The following CMA1 variants were observed in gnomAD, a reference collection of about 807,000 sequenced individuals.
CMA1 encodes the protein chymase 1.
Under a neutral mutation model 18.8 loss-of-function variants are expected in CMA1, and 24 were observed. That is an observed-to-expected ratio of 1.28 (90% CI 0.92 to 1.80). The LOEUF is 1.80. Ranked by LOEUF, CMA1 falls within the 40% of genes most tolerant of loss-of-function variation. The probability of loss-of-function intolerance (pLI) is 0.00; values close to 1 mark genes in which losing one functional copy is unlikely to be tolerated. For missense variants in CMA1, 421 were observed against 302.8 expected (o/e 1.39, Z -2.90); for synonymous variants, 152 against 117.0 (o/e 1.30, Z -1.93).
chr14:24,507,211 TA>T, intron 2 of CMA1, 144 bp downstream of exon 2: 1 of 935,750 alleles, frequency 1.1e-6, no homozygotes. Flanking sequence ...AAACACAGAC[TA>T]AAGTCTTTCA....
intron 1 of CMA1, among the ~76,000 whole-genome samples, chr14:24,507,753 C>T (rs1032887056): frequency 6.6e-6 from 1 of 152,182 alleles, no homozygotes; most frequent in Non-Finnish European, 1.5e-5. Context: ...TCCCACCTTG[C>T]CCTGGCCCAC....
Position 24,508,213 on chromosome 14 carries a change from AG to A in CMA1, c.22del (p.Leu8CysfsTer35), listed in dbSNP as rs2043875766. 2 of 1,613,772 alleles carry A rather than the reference AG, an allele frequency of 1.2e-6. No homozygotes were observed. The highest frequency in any genetic ancestry group is 1.3e-5 in the African/African-American group (1 of 74,942). On this transcript the variant is annotated frameshift_variant, in exon 1 of 5. Transcript: ENST00000250378. LOFTEE classifies it high-confidence loss of function. MLLLPLP[L>X]LLFLLCSRAE... is the part of the protein sequence containing the mutation. ...TCTGGAGCACAAGAGAAAGAGCAGC[AG>A]GGGGAGAGGAAGAAGCAGCATCTTC...
At chr14:24,505,921 A>G in intron 4 of CMA1, 107 bp downstream of exon 4, 3 of 1,445,570 alleles carry the variant, frequency 2.1e-6, no homozygotes, top group Non-Finnish European at 2.8e-6. Flanking sequence ...AATTCCTGTG[A>G]TGCTCACCCT....
At chr14:24,507,277 C>T (rs912753471) in intron 2 of CMA1, 79 bp downstream of exon 2, 1 of 1,542,430 alleles carries the variant, frequency 6.5e-7, no homozygotes, top group Non-Finnish European at 9.0e-7. Flanking sequence ...CCTCTTCAGT[C>T]CCCAGTGCAG....
chr14:24,505,766 G>C, intron 4 of CMA1, 107 bp from the exon 5 acceptor site: 1 of 1,373,450 alleles, frequency 7.3e-7, no homozygotes, highest in Non-Finnish European at 9.9e-7. Flanking sequence ...CGCAGGAGGT[G>C]GAGCTCCTCA....
chr14:24,508,061 G>T, intron 1 of CMA1, 117 bp downstream of exon 1: 1 of 983,456 alleles, frequency 1.0e-6, no homozygotes, highest in Non-Finnish European at 1.5e-6. Context: ...ATTTCCCTCT[G>T]GGACTCTTGA....
Position 24,506,103 on chromosome 14 carries a change from G to A in CMA1, c.525C>T (p.Cys175=), listed in dbSNP as rs775479602. The A allele has an allele frequency of 3.7e-6, 6 of 1,614,088 alleles. No homozygotes were observed. The African/African-American group carries it at 8.0e-5, about 22-fold the overall frequency. The stretch of plus-strand genomic sequence containing the variant: ...TGTGGTCAAAGTCTCTGAAGTGGCT[G>A]CAGGCCTGGGGATCCATGAGTCTCA... ...VKLRLMDPQA[C]SHFRDFDHNL... is the part of the protein sequence containing the mutation. Residue 175 remains cysteine (C), a synonymous_variant, in exon 4 of 5, where the codon TGC becomes TGT. Coordinates refer to ENST00000250378, the MANE Select transcript of CMA1 (RefSeq NM_001836.5).
At position 24,506,080 on chromosome 14, in the gene CMA1, T is replaced by C; in HGVS notation, c.548A>G (p.His183Arg). The C allele has an allele frequency of 6.2e-7, 1 of 1,614,212 alleles. No homozygotes were observed. The highest frequency in any genetic ancestry group is 1.3e-5 in the African/African-American group (1 of 75,058). Residue 183 changes from histidine to arginine, a missense_variant, in exon 4 of 5, where the codon CAC becomes CGC. Physicochemically the swap from His to Arg is conservative, Grantham distance 29 (BLOSUM62 0). Transcript: ENST00000250378. ...ATTGCCCACACACAGCTGAAGATTG[T>C]GGTCAAAGTCTCTGAAGTGGCTGCA... is the stretch of plus-strand genomic sequence containing the variant. ...QACSHFRDFD[H>R]NLQLCVGNPR...
At position 24,506,061 on chromosome 14, in the gene CMA1, C is replaced by T; in HGVS notation, c.567G>A (p.Val189=). 2 of 1,614,194 alleles carry T rather than the reference C, an allele frequency of 1.2e-6. No individual in the cohort carries two copies. Among genetic ancestry groups the T allele is most frequent in the Non-Finnish European group, 1.7e-6 (2 of 1,180,030 alleles). The change falls in exon 4 of 5, where the codon GTG becomes GTA. Residue 189 remains valine, a synonymous_variant. Transcript: ENST00000250378. ...CAGATTTTGTCTTCCTGGGATTGCC[C>T]ACACACAGCTGAAGATTGTGGTCAA... ...RDFDHNLQLC[V]GNPRKTKSAF...
chr14:24,506,252 C>A lies in CMA1; in HGVS notation c.376G>T (p.Val126Leu), dbSNP rs770937525. 6.2e-7 allele frequency: 1 copy of A among 1,613,990 alleles called. No homozygotes were observed. The highest frequency in any genetic ancestry group is 8.5e-7 in the Non-Finnish European group (1 of 1,180,020). ...LKEKASLTLA[V>L]GTLPFPSQFN... Reference sequence around the variant, plus strand: ...TGGGATGGGAAGGGGAGTGTCCCCACAGCCAGGGTCAGGCTGGCTTTCTCC... The same window carrying A: ...TGGGATGGGAAGGGGAGTGTCCCCAAAGCCAGGGTCAGGCTGGCTTTCTCC... The change falls in exon 4 of 5, where the codon GTG (valine) becomes TTG (leucine). Residue 126 changes from valine to leucine, a missense_variant. Transcript: ENST00000250378.
rs145340056 is a variant in CMA1 at position 24,507,466 on chromosome 14, G to T, written c.99C>A (p.Arg33=). The T allele has an allele frequency of 4.0e-5, 65 of 1,614,074 alleles. No individual in the cohort carries two copies. Among genetic ancestry groups the T allele is most frequent in the Non-Finnish European group, 5.3e-5 (63 of 1,180,042 alleles). Residue 33 remains arginine (R), a synonymous_variant, in exon 2 of 5, where the codon CGC becomes CGA. Coordinates refer to ENST00000250378, the MANE Select transcript of CMA1 (RefSeq NM_001836.5). Reference sequence around the variant, plus strand: ...CAATTTCCAGGTAGGCCATGTAGGGGCGGGAATGTGGCTTGCATTCTGTGC... The same window carrying T: ...CAATTTCCAGGTAGGCCATGTAGGGTCGGGAATGTGGCTTGCATTCTGTGC... ...IGGTECKPHS[R]PYMAYLEIVT...
rs986401423 is a variant in CMA1 at position 24,505,373 on chromosome 14, T to C, written c.*143A>G. On this transcript the variant is annotated 3_prime_UTR_variant, in exon 5 of 5. Transcript: ENST00000250378. The stretch of plus-strand genomic sequence containing the variant: ...GAAGCTGTGTCTTCACTGAGGTTTA[T>C]TGAGAGTTCTGTGACCTGTAGGATA... 4.9e-6 allele frequency: 5 copies of C among 1,022,672 alleles called. No homozygotes were observed. The highest frequency in any genetic ancestry group is 1.6e-5 in the African/African-American group (1 of 63,390). 63.3% of individuals were successfully genotyped at this position (1,022,672 alleles called of 1,614,324 possible).
chr14:24,505,599 G>A lies in CMA1; in HGVS notation c.661C>T (p.Arg221Trp), dbSNP rs755977857. The change falls in exon 5 of 5, where the codon CGG (arginine) becomes TGG (tryptophan). Residue 221 changes from arginine to tryptophan, a missense_variant. By Grantham distance (101) the Arg-to-Trp change is moderately radical. Coordinates refer to ENST00000250378, the MANE Select transcript of CMA1 (RefSeq NM_001836.5). ...ACAGCAGGGGGCTTTGCATCCGACC[G>A]TCCATAGGATACGATGCCCTGGGCC... Reference protein sequence around the residue: ...GVAQGIVSYGRSDAKPPAVFT... With the variant: ...GVAQGIVSYGWSDAKPPAVFT... 2.8e-5 allele frequency: 45 copies of A among 1,613,964 alleles called. No individual in the cohort carries two copies. In the Admixed American group the frequency reaches 5.5e-4, roughly 20 times the overall value.
intron 1 of CMA1, 80 bp downstream of exon 1, chr14:24,508,098 A>T: frequency 7.5e-7 from 1 of 1,331,098 alleles, no homozygotes; most frequent in Non-Finnish European, 1.1e-6. Context: ...CCTGTTTAGG[A>T]GTCAGCTATT....
At chr14:24,507,763 C>G (rs1383196887) in intron 1 of CMA1, among the ~76,000 whole-genome samples, 1 of 152,188 alleles carries the variant, frequency 6.6e-6, no homozygotes, top group African/African-American at 2.4e-5. Context: ...CCCTGGCCCA[C>G]CCTCCTCTGT....
Position 24,506,055 on chromosome 14 carries a change from A to G in CMA1, c.573T>C (p.Asn191=). The change falls in exon 4 of 5, where the codon AAT becomes AAC. Residue 191 remains asparagine, a synonymous_variant. Coordinates refer to ENST00000250378, the MANE Select transcript of CMA1 (RefSeq NM_001836.5). The part of the protein sequence containing the change: ...FDHNLQLCVG[N]PRKTKSAFKG... ...TAAATGCAGATTTTGTCTTCCTGGG[A>G]TTGCCCACACACAGCTGAAGATTGT... 1 of 1,614,150 alleles carries G rather than the reference A, an allele frequency of 6.2e-7. No individual in the cohort carries two copies. Among genetic ancestry groups the G allele is most frequent in the Non-Finnish European group, 8.5e-7 (1 of 1,180,020 alleles).
intron 2 of CMA1, 87 bp downstream of exon 2, chr14:24,507,268 CT>C: frequency 6.6e-7 from 1 of 1,506,540 alleles, no homozygotes; most frequent in South Asian, 1.1e-5. Context: ...CCAGGACCCC[CT>C]CTTCAGTCCC....
At position 24,505,523 on chromosome 14, in the gene CMA1, G is replaced by A. The variant is rs760911999; in HGVS notation, c.737C>T (p.Ala246Val). 1.2e-6 allele frequency: 2 copies of A among 1,614,070 alleles called. No individual in the cohort carries two copies. The highest frequency in any genetic ancestry group is 1.7e-5 in the Admixed American group (1 of 60,018). Residue 246 changes from alanine (A) to valine (V), a missense_variant, in exon 5 of 5, where the codon GCA (alanine) becomes GTA (valine). Coordinates refer to ENST00000250378, the MANE Select transcript of CMA1 (RefSeq NM_001836.5). Reference sequence around the variant, plus strand: ...CTGGCTCAGGATCCAGGATTAATTTGCCTGCAGGATCTGGTTGATCCAGGG... The same window carrying A: ...CTGGCTCAGGATCCAGGATTAATTTACCTGCAGGATCTGGTTGATCCAGGG... ...YRPWINQILQ[A>V]N
chr14:24,508,042 C>A, intron 1 of CMA1, 136 bp downstream of exon 1: 1 of 813,728 alleles, frequency 1.2e-6, no homozygotes, highest in Non-Finnish European at 2.0e-6. Flanking sequence ...GCACACATCC[C>A]AAGTGGAAAT....
Sources: allele counts gnomAD v4.1 joint callset (sites outside exome capture counted in the v4.1 genomes callset), GRCh38; gene constraint gnomAD v4.1.1; transcripts MANE v1.5; gene names NCBI Gene and HGNC (gene_info 2026-07-23, HGNC 2026-07-21).